Variants in DNAH7 observed in about 807,000 individuals in gnomAD.
DNAH7 encodes the protein axonemal beta dynein heavy chain 7.
In DNAH7, 397 loss-of-function variants were observed where a neutral mutation model predicts 444.6. The ratio of observed to expected loss-of-function variants is 0.89; its 90% confidence interval spans 0.82 to 0.97. DNAH7 has a LOEUF of 0.97. Among genes scored for constraint, DNAH7 ranks in the 50% least tolerant of loss-of-function variants. The probability of loss-of-function intolerance (pLI) is 0.00; values close to 1 mark genes in which losing one functional copy is unlikely to be tolerated. For synonymous variants in DNAH7, 1,636 were observed against 1,624.4 expected, an observed-to-expected ratio of 1.01 and a Z score of -0.17; for missense variants, 4,902 against 4,800.8, an observed-to-expected ratio of 1.02 and a Z score of -0.62.
chr2:195,832,057 T>C (rs1399648204), intron 48 of DNAH7, among the ~76,000 whole-genome samples: 1 of 152,206 alleles, frequency 6.6e-6, no homozygotes, highest in East Asian at 1.9e-4. Context: ...ATATAAAATT[T>C]AAACAAAAAT....
intron 57 of DNAH7, among the ~76,000 whole-genome samples, chr2:195,788,471 A>T (rs1456925572): frequency 6.6e-6 from 1 of 152,236 alleles, no homozygotes; most frequent in Non-Finnish European, 1.5e-5. Context: ...TGACTACAGA[A>T]CACTTTACTA....
chr2:196,018,421 A>C (rs1212025726), intron 9 of DNAH7, among the ~76,000 whole-genome samples: 4 of 152,136 alleles, frequency 2.6e-5, no homozygotes, highest in African/African-American at 9.6e-5. Flanking sequence ...ACTTTTGTGA[A>C]TCTATCCCAT....
intron 17 of DNAH7, among the ~76,000 whole-genome samples, chr2:195,961,903 CAAT>C (rs1574893464): frequency 6.6e-6 from 1 of 151,524 alleles, no homozygotes; most frequent in South Asian, 2.1e-4. Flanking sequence ...ACTAATTTTT[CAAT>C]AATAATAATA....
At position 195,864,258 on chromosome 2, in the gene DNAH7, C is replaced by T. The variant is rs770220298; in HGVS notation, c.7397G>A (p.Arg2466His). 2.6e-5 allele frequency: 42 copies of T among 1,613,998 alleles called. No individual in the cohort carries two copies. The highest frequency in any genetic ancestry group is 2.1e-4 in the African/African-American group (16 of 74,908). The change falls in exon 41 of 65, where the codon CGC (arginine) becomes CAC (histidine). Residue 2466 changes from arginine (R) to histidine (H), a missense_variant. Physicochemically the swap from Arg to His is conservative, Grantham distance 29 (BLOSUM62 0). Coordinates refer to ENST00000312428, the MANE Select transcript of DNAH7 (RefSeq NM_018897.3). Reference sequence around the variant, plus strand: ...GGCAAGGACCACATGCAGTTGGCTGCGGCAATGATCAATAAACATGTTGAA... The same window carrying T: ...GGCAAGGACCACATGCAGTTGGCTGTGGCAATGATCAATAAACATGTTGAA... ...ALFNMFIDHC[R>H]SQLHVVLAMS... is the part of the protein sequence containing the mutation.
At chr2:195,954,928 T>A (rs765294835) in intron 19 of DNAH7, among the ~76,000 whole-genome samples, 4 of 152,194 alleles carry the variant, frequency 2.6e-5, no homozygotes, top group Non-Finnish European at 1.5e-5. Context: ...ATATTAGCCC[T>A]TTGTCAGATG....
chr2:195,803,763 G>A (rs1244711301), intron 54 of DNAH7, among the ~76,000 whole-genome samples: 1 of 152,204 alleles, frequency 6.6e-6, no homozygotes. Flanking sequence ...CTTATTGAAA[G>A]CTGATTAATT....
At chr2:196,029,249 CTTTTG>C (rs952876463) in intron 5 of DNAH7, among the ~76,000 whole-genome samples, 5 of 135,270 alleles carry the variant, frequency 3.7e-5, no homozygotes, top group African/African-American at 1.8e-4. Context: ...ACCTCAGTAA[CTTTTG>C]TTTGTTTGTT....
chr2:195,907,266 C>T (rs1009634607), intron 25 of DNAH7, among the ~76,000 whole-genome samples: 2 of 151,878 alleles, frequency 1.3e-5, no homozygotes, highest in Admixed American at 6.6e-5. Flanking sequence ...TTTAGACATA[C>T]ACCTATAATC....
intron 1 of DNAH7, among the ~76,000 whole-genome samples, chr2:196,059,287 T>C (rs916875452): frequency 2.0e-5 from 3 of 152,176 alleles, no homozygotes; most frequent in African/African-American, 7.2e-5. Context: ...AAGGGGCTAA[T>C]CTCCTTTGCA....
At chr2:196,029,170 G>A (rs1008339847) in intron 5 of DNAH7, among the ~76,000 whole-genome samples, 7 of 152,126 alleles carry the variant, frequency 4.6e-5, no homozygotes, top group East Asian at 1.9e-4. Flanking sequence ...ACACAGAAGA[G>A]AACTCAGCAG....
rs1217943602 is a variant in DNAH7, at chr2:195,891,810, T to C, written c.4897-6A>G. On this transcript the variant is annotated splice_region_variant and splice_polypyrimidine_tract_variant and intron_variant, in intron 30 of 64. Transcript: ENST00000312428. ...TTGTTTTCTTCCATTAGCCCCTTAA[T>C]GAAAAAAAAAAACATTTATTTATGT... 2.1e-6 allele frequency: 3 copies of C among 1,425,852 alleles called. No homozygotes were observed. Among genetic ancestry groups the C allele is most frequent in the Non-Finnish European group, 2.8e-6 (3 of 1,089,300 alleles). 88.3% of individuals were successfully genotyped at this position (1,425,852 alleles called of 1,614,324 possible). A position where few individuals can be genotyped will look rare whatever the true frequency, so the allele number is the denominator to read the frequency against.
chr2:195,793,954 T>C (rs990366742), intron 57 of DNAH7, among the ~76,000 whole-genome samples: 1 of 152,158 alleles, frequency 6.6e-6, no homozygotes, highest in African/African-American at 2.4e-5. Flanking sequence ...TATAGTTATA[T>C]GAAGGAAATA....
At chr2:196,023,457 C>G (rs1245093339) in intron 8 of DNAH7, among the ~76,000 whole-genome samples, 2 of 152,204 alleles carry the variant, frequency 1.3e-5, no homozygotes, top group Admixed American at 1.3e-4. Context: ...AACCCTTGCT[C>G]CGTTATGGAG....
intron 9 of DNAH7, among the ~76,000 whole-genome samples, chr2:196,014,249 A>G (rs1694882025): frequency 6.6e-6 from 1 of 152,206 alleles, no homozygotes; most frequent in Non-Finnish European, 1.5e-5. Flanking sequence ...AGAAAGGATC[A>G]GGAAAAAAGA....
At chr2:196,032,758 A>G (rs929551797) in intron 5 of DNAH7, among the ~76,000 whole-genome samples, 3 of 152,198 alleles carry the variant, frequency 2.0e-5, no homozygotes, top group African/African-American at 7.2e-5. Flanking sequence ...ACACTTCCCA[A>G]CTCTTTTTAT....
intron 63 of DNAH7, among the ~76,000 whole-genome samples, chr2:195,748,186 C>T (rs1380164180): frequency 6.6e-6 from 1 of 152,060 alleles, no homozygotes; most frequent in Admixed American, 6.5e-5. Context: ...TCTTATACAC[C>T]AATAACAGAC....
At chr2:196,063,416 C>T (rs1267133165) in intron 1 of DNAH7, 1 of 152,136 alleles carries the variant, frequency 6.6e-6, no homozygotes, top group East Asian at 1.9e-4. Context: ...GTTGCTGATT[C>T]CTGTTTAAAA....
At chr2:195,740,635 ATATATATATAC>A in intron 64 of DNAH7, 120 bp downstream of exon 64, 3 of 102,318 alleles carry the variant, frequency 2.9e-5, no homozygotes, top group African/African-American at 5.9e-5. Flanking sequence ...ATATATATAT[ATATATATATAC>A]ATATACACAC....
chr2:196,008,823 C>T lies in DNAH7; in HGVS notation c.989+3964G>A, dbSNP rs1434413198. Among the ~76,000 whole-genome samples, 7 of 152,160 alleles carry T rather than the reference C, an allele frequency of 4.6e-5. No individual in the cohort carries two copies. In the South Asian group the frequency reaches 6.2e-4, roughly 14 times the overall value. ...ACAGGTACAGAGTTTCTTTCTAGGGCGTATTAAGCCATTCTTGTGTTGCTA... is the reference window on the plus strand; with the variant it reads ...ACAGGTACAGAGTTTCTTTCTAGGGTGTATTAAGCCATTCTTGTGTTGCTA... On this transcript the variant is annotated intron_variant, in intron 10 of 64. Coordinates refer to ENST00000312428, the MANE Select transcript of DNAH7 (RefSeq NM_018897.3).
Sources: allele counts gnomAD v4.1 joint callset (sites outside exome capture counted in the v4.1 genomes callset), GRCh38; gene constraint gnomAD v4.1.1; transcripts MANE v1.5; gene names NCBI Gene and HGNC (gene_info 2026-07-23, HGNC 2026-07-21).